CSMD1: variants seen among roughly 807,000 people sequenced by gnomAD.
The protein encoded by CSMD1 is CUB and sushi domain-containing protein 1.
Under a neutral mutation model 417.5 loss-of-function variants are expected in CSMD1, and 213 were observed. The ratio of observed to expected loss-of-function variants is 0.51; its 90% CI spans 0.46 to 0.57. The LOEUF (loss-of-function observed/expected upper bound fraction) is 0.57, where lower values mean the gene tolerates loss of function less well. Ranked by LOEUF, CSMD1 falls within the 20% of genes least tolerant of loss-of-function variation. The probability of loss-of-function intolerance (pLI) is 0.00; values close to 1 mark genes in which losing one functional copy is unlikely to be tolerated. For synonymous variants in CSMD1, 2,862 were observed against 1,736.8 expected, an observed-to-expected ratio of 1.65 and a Z score of -16.11; for missense variants, 6,923 against 4,529.7, an observed-to-expected ratio of 1.53 and a Z score of -15.17.
At chr8:4,361,748 G>A (rs1003656252) in intron 3 of CSMD1, among the ~76,000 whole-genome samples, 2 of 152,136 alleles carry the variant, frequency 1.3e-5, no homozygotes, top group African/African-American at 2.4e-5. Flanking sequence ...GAGGTCAGGA[G>A]ATCGAGACCA....
chr8:4,409,104 G>A (rs138804548), intron 3 of CSMD1, among the ~76,000 whole-genome samples: 227 of 152,186 alleles, frequency 1.5e-3, no homozygotes, highest in African/African-American at 5.0e-3. Flanking sequence ...TTAAAGTTTA[G>A]CATCTGCATA....
chr8:3,748,720 T>C (rs182426737), intron 6 of CSMD1, among the ~76,000 whole-genome samples: 3 of 152,310 alleles, frequency 2.0e-5, no homozygotes, highest in South Asian at 2.1e-4. Context: ...CCTGGGAACA[T>C]GGGGCTTTCA....
intron 2 of CSMD1, among the ~76,000 whole-genome samples, chr8:4,462,029 C>A (rs548071763): frequency 1.3e-4 from 20 of 152,072 alleles, no homozygotes; most frequent in African/African-American, 4.8e-4. Flanking sequence ...GCTGAGCCAC[C>A]ACGTCTGGCT....
intron 2 of CSMD1, among the ~76,000 whole-genome samples, chr8:4,425,393 A>T (rs1016528533): frequency 2.6e-5 from 4 of 150,954 alleles, no homozygotes; most frequent in South Asian, 2.1e-4. Context: ...AAAAAAAAAA[A>T]AAAATAGAGT....
chr8:3,840,321 C>T (rs1192938732), intron 5 of CSMD1, among the ~76,000 whole-genome samples: 1 of 152,116 alleles, frequency 6.6e-6, no homozygotes, highest in Non-Finnish European at 1.5e-5. Context: ...ACTAGCATCT[C>T]GCTGTCCTGT....
At chr8:4,814,431 G>A (rs910189711) in intron 1 of CSMD1, among the ~76,000 whole-genome samples, 1 of 152,134 alleles carries the variant, frequency 6.6e-6, no homozygotes, top group South Asian at 2.1e-4. Flanking sequence ...ATTTTTAGTA[G>A]AAACACGGTT....
intron 3 of CSMD1, among the ~76,000 whole-genome samples, chr8:4,168,467 A>T (rs998830418): frequency 1.3e-5 from 2 of 151,954 alleles, no homozygotes; most frequent in Non-Finnish European, 2.9e-5. Flanking sequence ...TTTTTAGAAA[A>T]GGGATGTGGT....
chr8:3,623,919 G>C (rs1796373991), intron 7 of CSMD1, among the ~76,000 whole-genome samples: 1 of 151,998 alleles, frequency 6.6e-6, no homozygotes, highest in African/African-American at 2.4e-5. Flanking sequence ...GGAGTTTGCA[G>C]TAAGCTGAGA....
In CSMD1 at chr8:4,341,669, C is replaced by G. The variant is rs1244967220; in HGVS notation, c.415+78284G>C. ...CTTGTGTTCTAAAAGCATCTTTCAG[C>G]AAAGCGACGCAGTCAAGATAAATGG... On this transcript the variant is annotated intron_variant, in intron 3 of 69. Coordinates refer to ENST00000635120, the MANE Select transcript of CSMD1 (RefSeq NM_033225.6). 1.3e-5 allele frequency among the ~76,000 whole-genome samples: 2 copies of G among 152,096 alleles called. 1 individual carries two copies. Among genetic ancestry groups the G allele is most frequent in the African/African-American group, 4.8e-5 (2 of 41,440 alleles).
intron 21 of CSMD1, among the ~76,000 whole-genome samples, chr8:3,356,369 G>A (rs1233490557): frequency 2.0e-5 from 3 of 152,190 alleles, no homozygotes; most frequent in Admixed American, 6.5e-5. Context: ...TCTGAGGAGG[G>A]AGACAAAGAG....
rs1563181287 is a variant in CSMD1 at position 3,889,485 on chromosome 8, AT to A, written c.818+108417del. Among the ~76,000 whole-genome samples, 18 of 113,034 alleles carry A rather than the reference AT, an allele frequency of 1.6e-4. 1 individual carries two copies. The highest frequency in any genetic ancestry group is 2.5e-4 in the Non-Finnish European group (14 of 56,826). 74.2% of individuals were successfully genotyped at this position (113,034 alleles called of 152,430 possible). On this transcript the variant is annotated intron_variant, in intron 5 of 69. Coordinates refer to ENST00000635120, the MANE Select transcript of CSMD1 (RefSeq NM_033225.6). The stretch of plus-strand genomic sequence containing the variant: ...TATATATATATATATATATATATAT[AT>A]ATATATAAAATATGCTCATTAGGTC...
At chr8:3,795,920 ATATC>A (rs1355413958) in intron 5 of CSMD1, among the ~76,000 whole-genome samples, 1 of 56,274 alleles carries the variant, frequency 1.8e-5, no homozygotes, top group African/African-American at 6.0e-5. Flanking sequence ...ACAGATATAG[ATATC>A]TATCATGTAC....
chr8:3,284,160 G>A lies in CSMD1; in HGVS notation c.4137C>T (p.Phe1379=). The A allele has an allele frequency of 6.4e-7, 1 of 1,569,668 alleles. No homozygotes were observed. The highest frequency in any genetic ancestry group is 8.6e-7 in the Non-Finnish European group (1 of 1,157,676). ...DSDFFISKSG[F]SIQFSTSIAA... ...GCCACCTACTGGAGAACTGGATGGAGAAGCCAGACTTGCTGATGAAGAAGT... is the reference window on the plus strand; with the variant it reads ...GCCACCTACTGGAGAACTGGATGGAAAAGCCAGACTTGCTGATGAAGAAGT... The change falls in exon 26 of 70, where the codon TTC becomes TTT. Residue 1379 remains phenylalanine, a synonymous_variant. Coordinates refer to ENST00000635120, the MANE Select transcript of CSMD1 (RefSeq NM_033225.6).
chr8:4,183,926 T>C (rs974623863), intron 3 of CSMD1, among the ~76,000 whole-genome samples: 1 of 152,120 alleles, frequency 6.6e-6, no homozygotes, highest in African/African-American at 2.4e-5. Flanking sequence ...TACCACATGA[T>C]AGTCTGGGAA....
chr8:3,616,296 A>G (rs1354957270), intron 8 of CSMD1, among the ~76,000 whole-genome samples: 1 of 152,030 alleles, frequency 6.6e-6, no homozygotes, highest in Non-Finnish European at 1.5e-5. Context: ...AGTTCTCATG[A>G]GATCTGATGG....
At chr8:4,883,040 T>A (rs1309919774) in intron 1 of CSMD1, among the ~76,000 whole-genome samples, 1 of 151,932 alleles carries the variant, frequency 6.6e-6, no homozygotes, top group Non-Finnish European at 1.5e-5. Context: ...ACCAATAACA[T>A]CGTTAGAGTG....
At chr8:3,073,736 A>G (rs1353796219) in intron 49 of CSMD1, among the ~76,000 whole-genome samples, 1 of 152,138 alleles carries the variant, frequency 6.6e-6, no homozygotes, top group African/African-American at 2.4e-5. Context: ...AATAAAACCA[A>G]AGAAAAATGA....
At chr8:4,541,943 G>A (rs1324896455) in intron 2 of CSMD1, among the ~76,000 whole-genome samples, 2 of 152,114 alleles carry the variant, frequency 1.3e-5, no homozygotes, top group African/African-American at 4.8e-5. Context: ...GTTGGCAGGC[G>A]ATGAATTTCC....
intron 3 of CSMD1, among the ~76,000 whole-genome samples, chr8:4,061,317 C>G (rs1197798297): frequency 6.6e-6 from 1 of 152,086 alleles, no homozygotes; most frequent in Non-Finnish European, 1.5e-5. Flanking sequence ...ATTTCTTTAA[C>G]AAGGAACCAC....
Sources: gnomAD v4.1 joint callset for allele counts (sites outside exome capture counted in the v4.1 genomes callset) on GRCh38, gnomAD v4.1.1 for gene constraint, MANE v1.5 for transcripts, NCBI Gene and HGNC (gene_info 2026-07-23, HGNC 2026-07-21) for gene names.